PRDM16: variants seen among roughly 807,000 people sequenced by gnomAD.
The protein encoded by PRDM16 is PR/SET domain 16, also known as histone-lysine N-methyltransferase PRDM16.
Under a neutral mutation model 110.6 loss-of-function variants are expected in PRDM16, and 23 were observed. The observed-to-expected ratio is 0.21, with a 90% CI of 0.15 to 0.29. The LOEUF is 0.29. Ranked by LOEUF, PRDM16 falls within the 10% of genes least tolerant of loss-of-function variation. The pLI is 1.00. For synonymous variants in PRDM16, 799 were observed against 781.8 expected, an observed-to-expected ratio of 1.02 and a Z score of -0.37; for missense variants, 1,615 against 1,794.3, an observed-to-expected ratio of 0.90 and a Z score of 1.81.
At chr1:3,236,543 G>A (rs1639544499) in intron 2 of PRDM16, among the ~76,000 whole-genome samples, 1 of 152,216 alleles carries the variant, frequency 6.6e-6, no homozygotes, top group Non-Finnish European at 1.5e-5. Context: ...AGCTGGGCGT[G>A]GCCATGGGCC....
At chr1:3,101,307 G>C (rs867235968) in intron 1 of PRDM16, among the ~76,000 whole-genome samples, 1 of 152,202 alleles carries the variant, frequency 6.6e-6, no homozygotes, top group African/African-American at 2.4e-5. Flanking sequence ...TGAGGGCCGC[G>C]AGGCAGTGCA....
chr1:3,084,829 G>T (rs2742683), intron 1 of PRDM16, among the ~76,000 whole-genome samples: 2 of 152,312 alleles, frequency 1.3e-5, no homozygotes, highest in Admixed American at 1.3e-4. Flanking sequence ...AGGCTGTCGG[G>T]GGGCAGGCCA....
chr1:3,381,981 G>T (rs973935930), intron 3 of PRDM16, among the ~76,000 whole-genome samples: 1 of 152,194 alleles, frequency 6.6e-6, no homozygotes, highest in African/African-American at 2.4e-5. Context: ...GGGAGGGGGG[G>T]CCTCGTGGGT....
At position 3,404,891 on chromosome 1, in the gene PRDM16, C is replaced by T; in HGVS notation, c.1032+5C>T. ...GAATGTGAAAACTGCGTGAAGGTAA[C>T]CTGCGGGGCGGCCCCGTCTCAGCCC... On this transcript the variant is annotated splice_donor_5th_base_variant and intron_variant, in intron 7 of 16. Transcript: ENST00000270722. 1 of 1,612,246 alleles carries T rather than the reference C, an allele frequency of 6.2e-7. No homozygotes were observed. The highest frequency in any genetic ancestry group is 8.5e-7 in the Non-Finnish European group (1 of 1,179,670).
chr1:3,069,344 C>T lies in PRDM16; in HGVS notation c.37+48C>T, dbSNP rs757401752. On this transcript the variant is annotated intron_variant, in intron 1 of 16. Coordinates refer to ENST00000270722, the MANE Select transcript of PRDM16 (RefSeq NM_022114.4). The surrounding 1 kb of genome is among the most constrained non-coding windows in gnomAD (Gnocchi z 6.1). ...CGCCGCGCCGCCGGGGCCCGGGCCG[C>T]CGGGCCGGGGCGCCCGGGCCAGGGG... The T allele has an allele frequency of 3.0e-6, 3 of 994,824 alleles. No homozygotes were observed. The highest frequency in any genetic ancestry group is 4.3e-5 in the South Asian group (1 of 23,390). 61.6% of individuals were successfully genotyped at this position (994,824 alleles called of 1,614,324 possible).
intron 3 of PRDM16, chr1:3,309,700 C>A (rs1012223325): frequency 3.9e-5 from 6 of 152,308 alleles, no homozygotes; most frequent in Non-Finnish European, 8.8e-5. Context: ...GCAGGACCAG[C>A]TCACCTTGGG....
chr1:3,414,520 C>G (rs748861363), intron 9 of PRDM16, 40 bp from the exon 10 acceptor site: 1 of 1,502,196 alleles, frequency 6.7e-7, no homozygotes, highest in Non-Finnish European at 9.1e-7. Context: ...GCGGGGCGGG[C>G]GGCTCGGTGG....
At chr1:3,168,635 T>C (rs967064050) in intron 1 of PRDM16, among the ~76,000 whole-genome samples, 2 of 130,888 alleles carry the variant, frequency 1.5e-5, no homozygotes, top group African/African-American at 5.7e-5. Flanking sequence ...AATACAGATC[T>C]GATGCCTAAG....
chr1:3,187,555 T>G (rs1569802538), intron 2 of PRDM16, among the ~76,000 whole-genome samples: 1 of 151,644 alleles, frequency 6.6e-6, no homozygotes, highest in South Asian at 2.1e-4. Flanking sequence ...CGTGGGGAGG[T>G]TCCTGTGGCC....
chr1:3,312,187 A>G (rs1212530780), intron 3 of PRDM16, among the ~76,000 whole-genome samples: 3 of 152,226 alleles, frequency 2.0e-5, no homozygotes, highest in Non-Finnish European at 4.4e-5. Flanking sequence ...CAAAGCACAG[A>G]GCTCGGCCTG....
At chr1:3,158,979 C>G (rs1213536685) in intron 1 of PRDM16, among the ~76,000 whole-genome samples, 1 of 152,188 alleles carries the variant, frequency 6.6e-6, no homozygotes, top group Non-Finnish European at 1.5e-5. Flanking sequence ...CCCATGTTGG[C>G]CAGGCTGGTC....
chr1:3,078,333 G>A (rs1245419127), intron 1 of PRDM16, among the ~76,000 whole-genome samples: 2 of 152,224 alleles, frequency 1.3e-5, no homozygotes, highest in Non-Finnish European at 2.9e-5. Context: ...CCGCTGTGGC[G>A]AGTCGGGGCT....
chr1:3,231,321 A>T (rs905132), intron 2 of PRDM16, among the ~76,000 whole-genome samples: 37,976 of 143,566 alleles, frequency 0.26, 6,016 homozygotes, highest in African/African-American at 0.48. Context: ...ATTTGTGTGC[A>T]CATGCCGAAA....
intron 1 of PRDM16, among the ~76,000 whole-genome samples, chr1:3,133,996 C>A (rs1643385897): frequency 6.6e-6 from 1 of 152,188 alleles, no homozygotes; most frequent in Non-Finnish European, 1.5e-5. Context: ...TTTCCTCCCC[C>A]AAGACTGCAA....
At chr1:3,232,163 A>C (rs1411989759) in intron 2 of PRDM16, among the ~76,000 whole-genome samples, 3 of 152,160 alleles carry the variant, frequency 2.0e-5, no homozygotes, top group Non-Finnish European at 4.4e-5. Context: ...GAGAAAGCAA[A>C]GCTCTTCATC....
At chr1:3,415,883 G>A (rs747124040) in intron 10 of PRDM16, among the ~76,000 whole-genome samples, 4 of 152,242 alleles carry the variant, frequency 2.6e-5, no homozygotes, top group Non-Finnish European at 5.9e-5. Flanking sequence ...TAAAGACCTC[G>A]ACAAAGCCCA....
chr1:3,181,127 GTCTTACACGCGGTCTTACACACGCA>G (rs1321414378), intron 1 of PRDM16, among the ~76,000 whole-genome samples: 7 of 125,374 alleles, frequency 5.6e-5, no homozygotes, highest in South Asian at 3.0e-4. Flanking sequence ...TACACACGCA[GTCTTACACGCGGTCTTACACACGCA>G]GTCTTACACG....
chr1:3,110,583 A>G (rs965571788), intron 1 of PRDM16, among the ~76,000 whole-genome samples: 7 of 152,236 alleles, frequency 4.6e-5, no homozygotes, highest in Non-Finnish European at 2.9e-5. Flanking sequence ...TGGCTCCCCC[A>G]TGTCCTGGGG....
chr1:3,252,799 G>C (rs543029302), intron 3 of PRDM16, among the ~76,000 whole-genome samples: 3 of 152,106 alleles, frequency 2.0e-5, no homozygotes, highest in Admixed American at 6.6e-5. Flanking sequence ...CAGCAGTGCC[G>C]AGCCTCCCCC....
Sources: allele counts gnomAD v4.1 joint callset (sites outside exome capture counted in the v4.1 genomes callset), GRCh38; gene constraint gnomAD v4.1.1; non-coding constraint Gnocchi (gnomAD v3.1); transcripts MANE v1.5; gene names NCBI Gene and HGNC (gene_info 2026-07-23, HGNC 2026-07-21).